CARF: variants seen among roughly 807,000 people sequenced by gnomAD.
CARF encodes the protein calcium-responsive transcription factor.
CARF carries 57 observed loss-of-function variants against 82.0 expected under a neutral mutation model. That is an observed-to-expected ratio of 0.70 (90% confidence interval 0.56 to 0.87). The LOEUF (loss-of-function observed/expected upper bound fraction) is 0.87, where lower values mean the gene tolerates loss of function less well. Among genes scored for constraint, CARF ranks in the 40% least tolerant of loss-of-function variants. The pLI is 0.00. For missense variants in CARF, 771 were observed against 855.8 expected (o/e 0.90, Z 1.24); for synonymous variants, 268 against 290.1 (o/e 0.92, Z 0.77).
At chr2:202,975,122 C>A (rs974832883) in intron 13 of CARF, among the ~76,000 whole-genome samples, 1 of 151,668 alleles carries the variant, frequency 6.6e-6, no homozygotes, top group African/African-American at 2.4e-5. Flanking sequence ...ACCAGCCTAA[C>A]CAACATGGCA....
chr2:202,985,415 G>A lies in CARF; in HGVS notation c.*1791G>A, dbSNP rs544245337. 8.6e-5 allele frequency: 13 copies of A among 151,952 alleles called. 1 individual carries two copies. The South Asian group carries it at 2.7e-3, about 32-fold the overall frequency. 9.4% of individuals were successfully genotyped at this position (151,952 alleles called of 1,614,324 possible). On this transcript the variant is annotated 3_prime_UTR_variant, in exon 17 of 17. Coordinates refer to ENST00000438828, the MANE Select transcript of CARF (RefSeq NM_024744.17). Reference sequence around the variant, plus strand: ...AGATTTATATTTTATTTAATATAAAGTTTATTATTTATACCCTTTTTAATG... The same window carrying A: ...AGATTTATATTTTATTTAATATAAAATTTATTATTTATACCCTTTTTAATG...
At chr2:202,940,103 A>G (rs547238299) in intron 3 of CARF, among the ~76,000 whole-genome samples, 8 of 152,026 alleles carry the variant, frequency 5.3e-5, no homozygotes, top group Admixed American at 2.6e-4. Context: ...GCGCCATCTC[A>G]GCTCACTGCA....
rs188442887 is a variant in CARF at position 202,952,699 on chromosome 2, A to C, written c.427+20A>C. On this transcript the variant is annotated intron_variant, in intron 6 of 16. Transcript: ENST00000438828. The stretch of plus-strand genomic sequence containing the variant: ...CTCGGGGTGAGTAACAACGGGATAT[A>C]GGGGATTTGAGAGTGTTTTAAAAAC... The C allele has an allele frequency of 8.4e-5, 134 of 1,591,158 alleles. 1 individual carries two copies. In the Admixed American group the frequency reaches 1.7e-3, roughly 21 times the overall value.
intron 2 of CARF, among the ~76,000 whole-genome samples, chr2:202,920,599 A>G (rs973440053): frequency 2.6e-5 from 4 of 152,098 alleles, no homozygotes; most frequent in African/African-American, 9.7e-5. Flanking sequence ...AAATTAAGCC[A>G]GGTGCAGTGA....
rs1236943005 is a variant in CARF, at chr2:202,952,643, C to T, written c.391C>T (p.Pro131Ser). 6.2e-7 allele frequency: 1 copy of T among 1,613,570 alleles called. No homozygotes were observed. Among genetic ancestry groups the T allele is most frequent in the Non-Finnish European group, 8.5e-7 (1 of 1,179,868 alleles). ...TQTGMAQVIIPQGQLVDVNSP... is the reference protein window; with the variant it reads ...TQTGMAQVIISQGQLVDVNSP... The stretch of plus-strand genomic sequence containing the variant: ...GACAGGAATGGCACAAGTGATTATA[C>T]CTCAGGGGCAACTTGTGGATGTGAA... Residue 131 changes from proline (P) to serine (S), a missense_variant, in exon 6 of 17, where the codon CCT becomes TCT. Coordinates refer to ENST00000438828, the MANE Select transcript of CARF (RefSeq NM_024744.17).
chr2:202,935,320 A>G (rs1014042396), intron 3 of CARF, among the ~76,000 whole-genome samples: 4 of 27,780 alleles, frequency 1.4e-4, no homozygotes, highest in African/African-American at 2.5e-4. Flanking sequence ...TTATATTTGT[A>G]TATTTATATA....
intron 13 of CARF, among the ~76,000 whole-genome samples, chr2:202,975,863 A>G (rs1314542800): frequency 6.6e-6 from 1 of 151,632 alleles, no homozygotes; most frequent in Non-Finnish European, 1.5e-5. Context: ...TGGCCAACAC[A>G]GTGAAACCCC....
chr2:202,939,669 C>G (rs1270558611), intron 3 of CARF, among the ~76,000 whole-genome samples: 1 of 150,254 alleles, frequency 6.7e-6, no homozygotes. Context: ...ATTTAACTTA[C>G]CCATTGCCTT....
intron 3 of CARF, among the ~76,000 whole-genome samples, chr2:202,938,659 G>GT (rs138662921): frequency 9.8e-4 from 135 of 137,230 alleles, no homozygotes; most frequent in East Asian, 2.6e-3. Flanking sequence ...GGTTTTTTTT[G>GT]TTTTTTTTTT....
chr2:202,935,324 TTA>T lies in CARF; in HGVS notation c.-43-6518_-43-6517del, dbSNP rs67665417. On this transcript the variant is annotated intron_variant, in intron 3 of 16. Coordinates refer to ENST00000438828, the MANE Select transcript of CARF (RefSeq NM_024744.17). Reference sequence around the variant, plus strand: ...TATATTTATATTTATATTTGTATATTTATATATATATATATATATTAGTAGAA... The same window carrying T: ...TATATTTATATTTATATTTGTATATTTATATATATATATATATTAGTAGAA... 1.8e-3 allele frequency among the ~76,000 whole-genome samples: 258 copies of T among 143,062 alleles called. 1 individual carries two copies. Among genetic ancestry groups the T allele is most frequent in the African/African-American group, 4.7e-3 (183 of 39,064 alleles). 93.9% of individuals were successfully genotyped at this position (143,062 alleles called of 152,430 possible). A position where few individuals can be genotyped will look rare whatever the true frequency, so the allele number is the denominator to read the frequency against.
Position 202,950,876 on chromosome 2 carries a change from A to G in CARF, c.307-1683A>G, listed in dbSNP as rs531867898. On this transcript the variant is annotated intron_variant, in intron 5 of 16. Coordinates refer to ENST00000438828, the MANE Select transcript of CARF (RefSeq NM_024744.17). ...ATAAGAGTTATGGCAGGACATTTTTATCTCAAGAAACTTGTTGAACATTGG... is the reference window on the plus strand; with the variant it reads ...ATAAGAGTTATGGCAGGACATTTTTGTCTCAAGAAACTTGTTGAACATTGG... 2.6e-5 allele frequency among the ~76,000 whole-genome samples: 4 copies of G among 152,316 alleles called. No homozygotes were observed. In the South Asian group the frequency reaches 8.3e-4, roughly 32 times the overall value.
At chr2:202,965,182 C>T (rs2059497890) in intron 9 of CARF, among the ~76,000 whole-genome samples, 1 of 152,014 alleles carries the variant, frequency 6.6e-6, no homozygotes, top group African/African-American at 2.4e-5. Flanking sequence ...TTGCTTATTC[C>T]ATCTGTGTGA....
chr2:202,931,945 A>G (rs748346887), intron 3 of CARF, among the ~76,000 whole-genome samples: 1 of 152,194 alleles, frequency 6.6e-6, no homozygotes, highest in Non-Finnish European at 1.5e-5. Context: ...GGTGATTTAT[A>G]AAGAAAAGAG....
At chr2:202,965,269 G>C (rs1219883822) in intron 9 of CARF, among the ~76,000 whole-genome samples, 1 of 151,974 alleles carries the variant, frequency 6.6e-6, no homozygotes, top group Non-Finnish European at 1.5e-5. Context: ...TTTGATTTTT[G>C]CAAGAATACC....
chr2:202,967,429 T>A (rs1046297207), intron 10 of CARF, among the ~76,000 whole-genome samples: 1 of 152,234 alleles, frequency 6.6e-6, no homozygotes, highest in African/African-American at 2.4e-5. Context: ...TTTCTTGATA[T>A]GAATTCACAT....
intron 3 of CARF, among the ~76,000 whole-genome samples, chr2:202,933,309 GAC>G (rs898423341): frequency 1.3e-5 from 2 of 152,160 alleles, no homozygotes; most frequent in Non-Finnish European, 2.9e-5. Flanking sequence ...CCCAGAGCAA[GAC>G]ACACTCCAGC....
At chr2:202,956,978 A>G (rs953700132) in intron 8 of CARF, among the ~76,000 whole-genome samples, 8 of 151,900 alleles carry the variant, frequency 5.3e-5, no homozygotes, top group Non-Finnish European at 1.2e-4. Flanking sequence ...TAGTAGAGAC[A>G]GGGTTTTGCT....
intron 3 of CARF, chr2:202,925,276 C>T: frequency 2.8e-6 from 1 of 355,450 alleles, no homozygotes; most frequent in Non-Finnish European, 5.5e-6. Context: ...GGAATCTCAC[C>T]TGGAAGAGCT....
chr2:202,914,395 G>A (rs975061802), intron 1 of CARF, among the ~76,000 whole-genome samples: 7 of 152,032 alleles, frequency 4.6e-5, no homozygotes, highest in Admixed American at 6.6e-5. Context: ...CAAGCCTAAT[G>A]CACTCTGTGA....
Sources: gnomAD v4.1 joint callset for allele counts (sites outside exome capture counted in the v4.1 genomes callset) on GRCh38, gnomAD v4.1.1 for gene constraint, MANE v1.5 for transcripts, NCBI Gene and HGNC (gene_info 2026-07-23, HGNC 2026-07-21) for gene names.